The following PCMT1 variants were observed in gnomAD, a reference collection of about 807,000 sequenced individuals.
The protein encoded by PCMT1 is protein-L-isoaspartate (D-aspartate) O-methyltransferase.
A neutral mutation model predicts 29.2 loss-of-function variants in PCMT1; 9 were observed. The ratio of observed to expected loss-of-function variants is 0.31; its 90% CI spans 0.19 to 0.54. PCMT1 has a LOEUF of 0.54. PCMT1 is among the 20% of genes least tolerant of loss of function. PCMT1 has a pLI of 0.95. For synonymous variants in PCMT1, 98 were observed against 97.5 expected (o/e 1.00, Z -0.03); for missense variants, 184 against 282.2 (o/e 0.65, Z 2.49).
At chr6:149,764,117 C>T (rs1786971758) in intron 1 of PCMT1, among the ~76,000 whole-genome samples, 1 of 152,174 alleles carries the variant, frequency 6.6e-6, no homozygotes, top group African/African-American at 2.4e-5. Context: ...GAATTAATTT[C>T]AGGGGAAATG....
chr6:149,763,063 A>G lies in PCMT1; in HGVS notation c.56-8099A>G, dbSNP rs1322435371. ...TCTATGATATGTATATCTATGATAT[A>G]TATATCTATGATATGTATATCTATG... On this transcript the variant is annotated intron_variant, in intron 1 of 7. Coordinates refer to ENST00000464889, the MANE Select transcript of PCMT1 (RefSeq NM_001360452.2). 2.1e-4 allele frequency among the ~76,000 whole-genome samples: 14 copies of G among 66,648 alleles called. 2 individuals are homozygous for G. The highest frequency in any genetic ancestry group is 7.9e-4 in the African/African-American group (6 of 7,642). The allele number at this position is 66,648 out of a possible 152,430, so 43.7% of individuals were successfully genotyped here.
chr6:149,760,574 C>G (rs1485720685), intron 1 of PCMT1, among the ~76,000 whole-genome samples: 1 of 152,072 alleles, frequency 6.6e-6, no homozygotes, highest in African/African-American at 2.4e-5. Flanking sequence ...ATGATCTGGG[C>G]CAGGTGTAGT....
intron 3 of PCMT1, among the ~76,000 whole-genome samples, chr6:149,777,840 CCT>C (rs1787636024): frequency 2.3e-5 from 1 of 43,020 alleles, no homozygotes; most frequent in Non-Finnish European, 3.6e-5. Flanking sequence ...TTCTTTTTCT[CCT>C]TCCTTCCTTC....
rs186981304 is a variant in PCMT1 at position 149,774,896 on chromosome 6, A to T, written c.192+1727A>T. ...TAGTTTTTTGTATTTTTTAGTAGAG[A>T]CGGGGTTTCACCATGTTAGCCAGGA... On this transcript the variant is annotated intron_variant, in intron 3 of 7. Transcript: ENST00000464889. 5.9e-5 allele frequency among the ~76,000 whole-genome samples: 9 copies of T among 151,342 alleles called. No homozygotes were observed. The East Asian group carries it at 1.8e-3, about 30-fold the overall frequency.
chr6:149,765,968 A>G (rs1354673798), intron 1 of PCMT1, among the ~76,000 whole-genome samples: 1 of 127,108 alleles, frequency 7.9e-6, no homozygotes, highest in Admixed American at 8.8e-5. Context: ...CTCTGTCTCA[A>G]AAAAAAAATA....
At position 149,771,358 on chromosome 6, in the gene PCMT1, T is replaced by C. The variant is rs1346850067; in HGVS notation, c.160+92T>C. On this transcript the variant is annotated intron_variant, in intron 2 of 7. Coordinates refer to ENST00000464889, the MANE Select transcript of PCMT1 (RefSeq NM_001360452.2). The stretch of plus-strand genomic sequence containing the variant: ...AAAGCCTGGGACACAGATATTTATC[T>C]ATTATTACCTTCTTAATTTGAATTT... 4.6e-6 allele frequency: 3 copies of C among 646,034 alleles called. No individual in the cohort carries two copies. The African/African-American group carries it at 5.5e-5, about 12-fold the overall frequency. 40.0% of individuals were successfully genotyped at this position (646,034 alleles called of 1,614,324 possible).
intron 2 of PCMT1, chr6:149,772,188 C>T (rs1270485742): frequency 2.3e-6 from 1 of 427,808 alleles, no homozygotes; most frequent in Admixed American, 2.8e-5. Flanking sequence ...AGCTTCTGAA[C>T]CCCGAAGGCA....
At chr6:149,769,545 C>T (rs532177558) in intron 1 of PCMT1, among the ~76,000 whole-genome samples, 110 of 151,640 alleles carry the variant, frequency 7.3e-4, no homozygotes, top group African/African-American at 2.7e-3. Flanking sequence ...AACTCCTGAC[C>T]TTAAGTAATT....
chr6:149,789,048 T>C (rs1373610816), intron 3 of PCMT1, among the ~76,000 whole-genome samples: 1 of 151,712 alleles, frequency 6.6e-6, no homozygotes, highest in African/African-American at 2.4e-5. Context: ...GTAAATGTGT[T>C]TACTGCTATT....
At chr6:149,760,094 A>G (rs1786676958) in intron 1 of PCMT1, among the ~76,000 whole-genome samples, 1 of 152,040 alleles carries the variant, frequency 6.6e-6, no homozygotes, top group Non-Finnish European at 1.5e-5. Context: ...AATCCATTCT[A>G]CACATTATAC....
At chr6:149,785,970 C>G (rs1416807531) in intron 3 of PCMT1, among the ~76,000 whole-genome samples, 52 of 151,284 alleles carry the variant, frequency 3.4e-4, no homozygotes, top group African/African-American at 1.1e-3. Context: ...CTCCTCACTT[C>G]CCAGTAGGGG....
intron 5 of PCMT1, chr6:149,794,832 G>T: frequency 2.0e-6 from 1 of 489,576 alleles, no homozygotes; most frequent in East Asian, 6.0e-5. Flanking sequence ...GATAGACGAA[G>T]GTCAAGTGAC....
intron 3 of PCMT1, among the ~76,000 whole-genome samples, chr6:149,789,454 C>T (rs940748847): frequency 2.0e-5 from 3 of 152,000 alleles, no homozygotes; most frequent in East Asian, 2.0e-4. Context: ...TTTGGGAGGC[C>T]GAGGTGGGCG....
At chr6:149,776,995 T>C (rs1787598326) in intron 3 of PCMT1, among the ~76,000 whole-genome samples, 1 of 151,828 alleles carries the variant, frequency 6.6e-6, no homozygotes, top group Non-Finnish European at 1.5e-5. Context: ...TTAAGTTATT[T>C]ATTGACGTCT....
At chr6:149,774,959 G>A (rs1048574083) in intron 3 of PCMT1, among the ~76,000 whole-genome samples, 11 of 150,822 alleles carry the variant, frequency 7.3e-5, no homozygotes, top group South Asian at 2.1e-4. Flanking sequence ...CGCCCGCCTC[G>A]GCCTCCCAAA....
chr6:149,802,173 G>A (rs774403803), intron 6 of PCMT1, 27 bp from the exon 7 acceptor site: 3 of 1,369,790 alleles, frequency 2.2e-6, no homozygotes, highest in East Asian at 2.4e-5. Flanking sequence ...ACTTGGTGAT[G>A]TATGTGCTTT....
intron 1 of PCMT1, among the ~76,000 whole-genome samples, chr6:149,761,244 A>C (rs960227021): frequency 6.9e-6 from 1 of 145,546 alleles, no homozygotes; most frequent in Admixed American, 7.0e-5. Flanking sequence ...GTATCTTGCT[A>C]ATTGTAAGGG....
At chr6:149,750,035 G>A in intron 1 of PCMT1, 79 bp downstream of exon 1, 1 of 1,489,066 alleles carries the variant, frequency 6.7e-7, no homozygotes, top group Non-Finnish European at 9.0e-7. Context: ...CGTCCGGAAC[G>A]TTCTGTCTGT....
intron 1 of PCMT1, among the ~76,000 whole-genome samples, chr6:149,768,711 CCTT>C (rs1351831894): frequency 6.6e-6 from 1 of 151,872 alleles, no homozygotes; most frequent in South Asian, 2.1e-4. Context: ...ACTGCAGCCT[CCTT>C]CTCCTGGGTT....
Sources: allele counts gnomAD v4.1 joint callset (sites outside exome capture counted in the v4.1 genomes callset), GRCh38; gene constraint gnomAD v4.1.1; transcripts MANE v1.5; gene names NCBI Gene and HGNC (gene_info 2026-07-23, HGNC 2026-07-21).